Variants in CADM2 observed in about 807,000 individuals in gnomAD.
CADM2 encodes cell adhesion molecule 2.
In CADM2, 12 loss-of-function variants were observed where a neutral mutation model predicts 49.8. That is an observed-to-expected ratio of 0.24 (90% CI 0.15 to 0.39). CADM2 has a LOEUF of 0.39. Ranked by LOEUF, CADM2 falls within the 10% of genes least tolerant of loss-of-function variation. The pLI, the probability that CADM2 is intolerant of heterozygous loss-of-function variation, is 1.00. For synonymous variants in CADM2, 214 were observed against 175.4 expected, an observed-to-expected ratio of 1.22 and a Z score of -1.74; for missense variants, 378 against 492.3, an observed-to-expected ratio of 0.77 and a Z score of 2.20.
intron 3 of CADM2, among the ~76,000 whole-genome samples, chr3:85,855,118 A>G (rs1464273383): frequency 6.6e-6 from 1 of 151,200 alleles, no homozygotes; most frequent in South Asian, 2.1e-4. Context: ...CCTTTCCTCC[A>G]CTCTCCAGAA....
chr3:85,260,549 A>C (rs531912119), intron 1 of CADM2, among the ~76,000 whole-genome samples: 1 of 152,212 alleles, frequency 6.6e-6, no homozygotes, highest in South Asian at 2.1e-4. Context: ...TCTAAAATGC[A>C]CCTGTCACAT....
intron 5 of CADM2, among the ~76,000 whole-genome samples, chr3:85,907,151 T>G (rs1051433751): frequency 1.3e-5 from 2 of 152,182 alleles, no homozygotes; most frequent in African/African-American, 4.8e-5. Flanking sequence ...TATTTTCTGT[T>G]CTCTATGAGA....
At chr3:86,043,116 C>A (rs1352393377) in intron 8 of CADM2, among the ~76,000 whole-genome samples, 1 of 152,116 alleles carries the variant, frequency 6.6e-6, no homozygotes, top group East Asian at 1.9e-4. Flanking sequence ...AACCCACAGC[C>A]AATATCGTAC....
At chr3:85,795,902 C>T (rs1216712230) in intron 2 of CADM2, among the ~76,000 whole-genome samples, 1 of 152,144 alleles carries the variant, frequency 6.6e-6, no homozygotes. Context: ...ACTTTCAGAA[C>T]AAACTCCAAA....
chr3:85,134,579 A>G (rs548580579), intron 1 of CADM2, among the ~76,000 whole-genome samples: 1 of 152,204 alleles, frequency 6.6e-6, no homozygotes, highest in Non-Finnish European at 1.5e-5. Context: ...GTACCAATAT[A>G]TCTGTTATTT....
intron 3 of CADM2, among the ~76,000 whole-genome samples, chr3:85,808,453 A>T (rs1261274072): frequency 6.6e-6 from 1 of 152,144 alleles, no homozygotes; most frequent in Non-Finnish European, 1.5e-5. Context: ...TGGAAAAAAA[A>T]ATCAATTAGA....
chr3:84,992,628 A>G (rs978427707), intron 1 of CADM2, among the ~76,000 whole-genome samples: 1 of 152,154 alleles, frequency 6.6e-6, no homozygotes, highest in Non-Finnish European at 1.5e-5. Flanking sequence ...ACTCCTTCTC[A>G]ACAACAACAC....
chr3:85,124,806 G>A (rs1181960065), intron 1 of CADM2, among the ~76,000 whole-genome samples: 2 of 152,102 alleles, frequency 1.3e-5, no homozygotes, highest in Non-Finnish European at 1.5e-5. Flanking sequence ...ACAATAAAGT[G>A]TTGAATATCT....
chr3:85,483,378 A>C (rs969993284), intron 1 of CADM2, among the ~76,000 whole-genome samples: 5 of 151,244 alleles, frequency 3.3e-5, no homozygotes, highest in Admixed American at 3.3e-4. Context: ...GAAATTTTGC[A>C]TATGTTTGTG....
At chr3:85,039,827 A>T (rs2035367541) in intron 1 of CADM2, among the ~76,000 whole-genome samples, 1 of 152,146 alleles carries the variant, frequency 6.6e-6, no homozygotes, top group Non-Finnish European at 1.5e-5. Context: ...ACTTGCTACT[A>T]CTCCTCTTAA....
At chr3:85,927,740 A>G (rs1317261708) in intron 6 of CADM2, among the ~76,000 whole-genome samples, 1 of 152,122 alleles carries the variant, frequency 6.6e-6, no homozygotes, top group Non-Finnish European at 1.5e-5. Flanking sequence ...CTTACTTAGC[A>G]TTTTGGCCAT....
chr3:85,038,030 AG>A lies in CADM2; in HGVS notation c.61+78363del, dbSNP rs1273601739. 2.0e-5 allele frequency among the ~76,000 whole-genome samples: 3 copies of A among 152,200 alleles called. No homozygotes were observed. The East Asian group carries it at 5.8e-4, about 29-fold the overall frequency. On this transcript the variant is annotated intron_variant, in intron 1 of 9. Coordinates refer to ENST00000383699, the MANE Select transcript of CADM2 (RefSeq NM_001167675.2). ...GGACGTTACAGTGAGGAACAGAAAA[AG>A]TTTTTTAAAATAAGCAAAGTAAAAA...
intron 1 of CADM2, among the ~76,000 whole-genome samples, chr3:85,027,272 G>A (rs1262191800): frequency 6.6e-6 from 1 of 151,388 alleles, no homozygotes; most frequent in African/African-American, 2.4e-5. Flanking sequence ...CCGCCACCAA[G>A]CCCGGCTAAC....
At chr3:85,387,717 ATTAT>A (rs982523194) in intron 1 of CADM2, among the ~76,000 whole-genome samples, 1 of 152,166 alleles carries the variant, frequency 6.6e-6, no homozygotes, top group African/African-American at 2.4e-5. Flanking sequence ...TATATGTAGT[ATTAT>A]TTAGTAGTAT....
At chr3:85,102,045 T>C (rs1182123378) in intron 1 of CADM2, among the ~76,000 whole-genome samples, 1 of 152,192 alleles carries the variant, frequency 6.6e-6, no homozygotes, top group Non-Finnish European at 1.5e-5. Flanking sequence ...CAGCTTAACA[T>C]ATGGAATCCT....
chr3:84,994,532 A>G (rs1210030342), intron 1 of CADM2, among the ~76,000 whole-genome samples: 1 of 152,180 alleles, frequency 6.6e-6, no homozygotes, highest in Non-Finnish European at 1.5e-5. Flanking sequence ...TCAAAATTAT[A>G]GACACAAAAT....
intron 1 of CADM2, among the ~76,000 whole-genome samples, chr3:85,011,981 A>AG (rs2107257463): frequency 6.6e-6 from 1 of 152,286 alleles, no homozygotes; most frequent in East Asian, 1.9e-4. Context: ...AAGTAAAAAA[A>AG]TACTAAATTA....
intron 1 of CADM2, among the ~76,000 whole-genome samples, chr3:85,468,588 T>G (rs1292888054): frequency 1.1e-5 from 1 of 94,804 alleles, no homozygotes; most frequent in Non-Finnish European, 2.5e-5. Context: ...TACTGATCTT[T>G]TTTTGACCAG....
At chr3:85,215,892 C>A (rs1386152960) in intron 1 of CADM2, among the ~76,000 whole-genome samples, 1 of 151,974 alleles carries the variant, frequency 6.6e-6, no homozygotes, top group Non-Finnish European at 1.5e-5. Flanking sequence ...CTGTGTTCTC[C>A]CTCCCACAAG....
Sources: gnomAD v4.1 joint callset for allele counts (sites outside exome capture counted in the v4.1 genomes callset) on GRCh38, gnomAD v4.1.1 for gene constraint, MANE v1.5 for transcripts, NCBI Gene and HGNC (gene_info 2026-07-23, HGNC 2026-07-21) for gene names.